The following NR6A1 variants were observed in gnomAD, a reference collection of about 807,000 sequenced individuals.
The protein encoded by NR6A1 is retinoic acid receptor-related testis-associated receptor.
NR6A1 carries 7 observed loss-of-function variants against 59.1 expected under a neutral mutation model. That is an observed-to-expected ratio of 0.12 (90% CI 0.07 to 0.22). The LOEUF is 0.22. Ranked by LOEUF, NR6A1 falls within the 10% of genes least tolerant of loss-of-function variation. The probability of loss-of-function intolerance (pLI) is 1.00; values close to 1 mark genes in which losing one functional copy is unlikely to be tolerated. For missense variants in NR6A1, 468 were observed against 611.6 expected (o/e 0.77, Z 2.48); for synonymous variants, 243 against 236.1 (o/e 1.03, Z -0.27).
At chr9:124,736,750 G>A (rs928866417) in intron 1 of NR6A1, among the ~76,000 whole-genome samples, 1 of 152,094 alleles carries the variant, frequency 6.6e-6, no homozygotes, top group Non-Finnish European at 1.5e-5. Flanking sequence ...GGAGGCTGAG[G>A]TAGAGATCAC....
intron 2 of NR6A1, among the ~76,000 whole-genome samples, chr9:124,560,677 C>T (rs1834061833): frequency 6.6e-6 from 1 of 152,176 alleles, no homozygotes; most frequent in East Asian, 1.9e-4. Flanking sequence ...TCTCCTGCCT[C>T]AGCCTCCCAA....
chr9:124,575,543 C>T (rs867152010), intron 2 of NR6A1, among the ~76,000 whole-genome samples: 1 of 152,172 alleles, frequency 6.6e-6, no homozygotes, highest in African/African-American at 2.4e-5. Flanking sequence ...CACTGCCTTC[C>T]AGCCTGGGTG....
At chr9:124,664,804 A>C (rs886512269) in intron 2 of NR6A1, among the ~76,000 whole-genome samples, 67 of 152,072 alleles carry the variant, frequency 4.4e-4, no homozygotes, top group African/African-American at 1.6e-3. Context: ...CAGGTTGACC[A>C]AATATATTAC....
intron 2 of NR6A1, among the ~76,000 whole-genome samples, chr9:124,623,140 T>C (rs900972975): frequency 3.9e-5 from 6 of 152,062 alleles, no homozygotes; most frequent in African/African-American, 1.4e-4. Context: ...GCAGAGGTCA[T>C]GGCAGGACAA....
intron 2 of NR6A1, among the ~76,000 whole-genome samples, chr9:124,569,045 G>A (rs1367493753): frequency 6.6e-6 from 1 of 151,898 alleles, no homozygotes; most frequent in East Asian, 1.9e-4. Context: ...CCCGGGAGGC[G>A]GAGCTTGCAG....
At chr9:124,694,983 A>C (rs1838697691) in intron 2 of NR6A1, among the ~76,000 whole-genome samples, 2 of 152,348 alleles carry the variant, frequency 1.3e-5, no homozygotes, top group South Asian at 4.1e-4. Flanking sequence ...TGCTTTTAAA[A>C]TGGCAAATTC....
At chr9:124,559,008 T>A (rs1156687555) in intron 2 of NR6A1, among the ~76,000 whole-genome samples, 1 of 152,206 alleles carries the variant, frequency 6.6e-6, no homozygotes, top group Non-Finnish European at 1.5e-5. Flanking sequence ...TGCATTATCT[T>A]GCTGGTACCA....
At chr9:124,661,325 G>A (rs72761498) in intron 2 of NR6A1, among the ~76,000 whole-genome samples, 7,791 of 152,188 alleles carry the variant, frequency 0.051, 268 homozygotes, top group Middle Eastern at 0.092. Context: ...CTCAAGAAAC[G>A]AGCAGGGGGA....
Position 124,666,275 on chromosome 9 carries a change from CTTT to C in NR6A1, c.142+67030_142+67032del, listed in dbSNP as rs922378385. Reference sequence around the variant, plus strand: ...TTGGCGGAATTACCTCTATGTGGTTCTTTTTTTTTTTTTTTTTTTTTGAGACAG... The same window carrying C: ...TTGGCGGAATTACCTCTATGTGGTTCTTTTTTTTTTTTTTTTTTGAGACAG... On this transcript the variant is annotated intron_variant, in intron 2 of 9. Coordinates refer to ENST00000487099, the MANE Select transcript of NR6A1 (RefSeq NM_033334.4). Among the ~76,000 whole-genome samples, 197 of 103,032 alleles carry C rather than the reference CTTT, an allele frequency of 1.9e-3. 1 individual carries two copies. Among genetic ancestry groups the C allele is most frequent in the Non-Finnish European group, 3.2e-3 (170 of 52,560 alleles). The allele number at this position is 103,032 out of a possible 152,430, so 67.6% of individuals were successfully genotyped here. A position where few individuals can be genotyped will look rare whatever the true frequency, so the allele number is the denominator to read the frequency against.
chr9:124,751,930 C>T (rs1186183514), intron 1 of NR6A1, among the ~76,000 whole-genome samples: 2 of 152,078 alleles, frequency 1.3e-5, no homozygotes, highest in Non-Finnish European at 2.9e-5. Context: ...AACAGGATTA[C>T]AAAATTCCTC....
At chr9:124,664,107 A>G (rs1193886113) in intron 2 of NR6A1, among the ~76,000 whole-genome samples, 1 of 152,204 alleles carries the variant, frequency 6.6e-6, no homozygotes, top group Non-Finnish European at 1.5e-5. Flanking sequence ...TTTAAGAAGG[A>G]ATTCCTGGGC....
chr9:124,755,609 A>C (rs2131182969), intron 1 of NR6A1, among the ~76,000 whole-genome samples: 1 of 152,328 alleles, frequency 6.6e-6, no homozygotes, highest in Non-Finnish European at 1.5e-5. Context: ...CAACAATGTC[A>C]AGGTCCTTTC....
chr9:124,525,284 AACACACACACAC>A lies in NR6A1; in HGVS notation c.1202-423_1202-412del, dbSNP rs71492413. ...AATACCTACACATTCATGCTTGTAAAACACACACACACACACACACACACACACACACACACA... is the reference window on the plus strand; with the variant it reads ...AATACCTACACATTCATGCTTGTAAAACACACACACACACACACACACACA... On this transcript the variant is annotated intron_variant, in intron 8 of 9. Coordinates refer to ENST00000487099, the MANE Select transcript of NR6A1 (RefSeq NM_033334.4). 5.7e-3 allele frequency among the ~76,000 whole-genome samples: 781 copies of A among 137,388 alleles called. 7 individuals carry two copies. The highest frequency in any genetic ancestry group is 0.02 in the African/African-American group (723 of 35,936). 90.1% of individuals were successfully genotyped at this position (137,388 alleles called of 152,430 possible). A position where few individuals can be genotyped will look rare whatever the true frequency, so the allele number is the denominator to read the frequency against.
Position 124,621,756 on chromosome 9 carries a change from G to C in NR6A1, c.143-67186C>G, listed in dbSNP as rs575506688. Among the ~76,000 whole-genome samples the C allele has an allele frequency of 3.3e-5, 5 of 152,272 alleles. No homozygotes were observed. In the East Asian group the frequency reaches 9.6e-4, roughly 29 times the overall value. On this transcript the variant is annotated intron_variant, in intron 2 of 9. Coordinates refer to ENST00000487099, the MANE Select transcript of NR6A1 (RefSeq NM_033334.4). Reference sequence around the variant, plus strand: ...TTTGAACATACTGTAAATGAATCTAGCATTTCATTTTGTACAGAAAAACTG... The same window carrying C: ...TTTGAACATACTGTAAATGAATCTACCATTTCATTTTGTACAGAAAAACTG...
At position 124,524,877 on chromosome 9, in the gene NR6A1, T is replaced by C. The variant is rs1832888825; in HGVS notation, c.1202-4A>G. 2 of 1,580,142 alleles carry C rather than the reference T, an allele frequency of 1.3e-6. No homozygotes were observed. The highest frequency in any genetic ancestry group is 2.3e-5 in the East Asian group (1 of 44,326). On this transcript the variant is annotated splice_region_variant and splice_polypyrimidine_tract_variant and intron_variant, in intron 8 of 9. Transcript: ENST00000487099. ...GCACTGGTCAGACCCCTGATATCTG[T>C]GGAAAAAAAAAAAACACACACACAC...
chr9:124,648,262 C>T (rs1836995946), intron 2 of NR6A1, among the ~76,000 whole-genome samples: 1 of 152,040 alleles, frequency 6.6e-6, no homozygotes, highest in Admixed American at 6.5e-5. Flanking sequence ...CTTTGGGTGG[C>T]CAACACAGGA....
chr9:124,603,139 A>G (rs201589032), intron 2 of NR6A1, among the ~76,000 whole-genome samples: 2 of 152,322 alleles, frequency 1.3e-5, no homozygotes, highest in East Asian at 3.9e-4. Flanking sequence ...ATATACTACG[A>G]CATTACTCAT....
rs187695810 is a variant in NR6A1 at position 124,686,517 on chromosome 9, T to C, written c.142+46791A>G. ...TCCCAACTTATTATTTCAGCTTAAC[T>C]TGAACAATAATCGCTGGTAGAGTAA... On this transcript the variant is annotated intron_variant, in intron 2 of 9. Coordinates refer to ENST00000487099, the MANE Select transcript of NR6A1 (RefSeq NM_033334.4). 4.2e-4 allele frequency among the ~76,000 whole-genome samples: 64 copies of C among 152,316 alleles called. 1 individual carries two copies. Among genetic ancestry groups the C allele is most frequent in the Admixed American group, 7.2e-4 (11 of 15,294 alleles).
intron 2 of NR6A1, chr9:124,599,195 C>A: frequency 1.9e-6 from 1 of 515,760 alleles, no homozygotes; most frequent in Non-Finnish European, 3.6e-6. Flanking sequence ...GTAATCCCAG[C>A]ACTCTGGGAG....
Sources: allele counts gnomAD v4.1 joint callset (sites outside exome capture counted in the v4.1 genomes callset), GRCh38; gene constraint gnomAD v4.1.1; transcripts MANE v1.5; gene names NCBI Gene and HGNC (gene_info 2026-07-23, HGNC 2026-07-21).